HNF1A: variants seen among roughly 807,000 people sequenced by gnomAD.
The protein encoded by HNF1A is hepatocyte nuclear factor 1-alpha.
HNF1A carries 21 observed loss-of-function variants against 62.2 expected under a neutral mutation model. The ratio of observed to expected loss-of-function variants is 0.34; its 90% CI spans 0.24 to 0.49. The LOEUF is 0.49. HNF1A is among the 20% of genes least tolerant of loss of function. HNF1A has a pLI of 0.99. For synonymous variants in HNF1A, 374 were observed against 366.8 expected (o/e 1.02, Z -0.22); for missense variants, 687 against 832.3 (o/e 0.83, Z 2.15).
chr12:120,993,532 C>A lies in HNF1A; in HGVS notation c.539C>A (p.Ala180Glu), dbSNP rs1060499866. 6.2e-7 allele frequency: 1 copy of A among 1,614,030 alleles called. No individual in the cohort carries two copies. The highest frequency in any genetic ancestry group is 8.5e-7 in the Non-Finnish European group (1 of 1,179,996). The change falls in exon 3 of 10, where the codon GCA (alanine) becomes GAA (glutamate). Residue 180 changes from alanine (A) to glutamate (E), a missense_variant. Ala to Glu is a moderately radical substitution (Grantham distance 107). Coordinates refer to ENST00000257555, the MANE Select transcript of HNF1A (RefSeq NM_000545.8). The part of the protein sequence containing the change: ...QREVAQQFTH[A>E]GQGGLIEEPT... ...TCTGTGCCTGCAGAGTTCACCCATG[C>A]AGGGCAGGGAGGGCTGATTGAAGAG...
In HNF1A at chr12:120,996,252, C is replaced by T. The variant is rs1262187705; in HGVS notation, c.956-10C>T. On this transcript the variant is annotated splice_polypyrimidine_tract_variant and intron_variant, in intron 4 of 9. Transcript: ENST00000257555. This position sits in a 1 kb window ranked among gnomAD's most constrained non-coding sequence, Gnocchi z 4.5. ...GGGGTGCTGAGGCAGGACACTGCTT[C>T]CCTCTCCAGGTGTGCGCTATGGACA... The T allele has an allele frequency of 1.9e-6, 3 of 1,613,942 alleles. No homozygotes were observed. The highest frequency in any genetic ancestry group is 2.7e-5 in the African/African-American group (2 of 75,050).
chr12:120,997,290 G>A, intron 6 of HNF1A, 184 bp from the exon 7 acceptor site: 1 of 1,404,418 alleles, frequency 7.1e-7, no homozygotes, highest in Non-Finnish European at 9.3e-7. Context: ...CTCAGAGAGG[G>A]GGAATGACTT....
chr12:121,001,501 C>T lies in HNF1A; in HGVS notation c.*309C>T, dbSNP rs891475426. The stretch of plus-strand genomic sequence containing the variant: ...TCTTCTTACTTGGAACTGAAGGGGG[C>T]GGCCTATGACTTGGGCACCCCCAGC... On this transcript the variant is annotated 3_prime_UTR_variant, in exon 10 of 10. Transcript: ENST00000257555. 8 of 461,844 alleles carry T rather than the reference C, an allele frequency of 1.7e-5. No homozygotes were observed. Among genetic ancestry groups the T allele is most frequent in the South Asian group, 1.0e-4 (5 of 47,832 alleles). 28.6% of individuals were successfully genotyped at this position (461,844 alleles called of 1,614,324 possible).
In HNF1A at chr12:120,999,561, C is replaced by G; in HGVS notation, c.1702C>G (p.Pro568Ala). The G allele has an allele frequency of 6.2e-7, 1 of 1,613,032 alleles. No homozygotes were observed. Among genetic ancestry groups the G allele is most frequent in the Non-Finnish European group, 8.5e-7 (1 of 1,179,858 alleles). ...PASQATTLHV[P>A]SQDPASIQHL... ...ATCTCAGGCCACCACCCTCCACGTC[C>G]CCAGCCAGGACCCTGCCAGCATCCA... The change falls in exon 9 of 10, where the codon CCC (proline) becomes GCC (alanine). Residue 568 changes from proline (P) to alanine (A), a missense_variant. Pro to Ala is a conservative substitution (Grantham distance 27, BLOSUM62 -1). Transcript: ENST00000257555.
chr12:120,986,553 T>C (rs1012607713), intron 1 of HNF1A, among the ~76,000 whole-genome samples: 3 of 152,154 alleles, frequency 2.0e-5, no homozygotes, highest in Non-Finnish European at 4.4e-5. Flanking sequence ...GCTGCTGTAT[T>C]GAGCTGTATT....
chr12:121,002,110 G>A lies in HNF1A; in HGVS notation c.*918G>A. ...GGGGCAGGAGTAGCTGAGCTCACAA[G>A]GCAGCAAGGCCCGAGCAGCTGAGCA... On this transcript the variant is annotated 3_prime_UTR_variant, in exon 10 of 10. Coordinates refer to ENST00000257555, the MANE Select transcript of HNF1A (RefSeq NM_000545.8). 1.9e-6 allele frequency: 1 copy of A among 532,866 alleles called. No individual in the cohort carries two copies. Among genetic ancestry groups the A allele is most frequent in the Non-Finnish European group, 3.6e-6 (1 of 274,862 alleles). The allele number at this position is 532,866 out of a possible 1,614,324, so 33.0% of individuals were successfully genotyped here. A position where few individuals can be genotyped will look rare whatever the true frequency, so the allele number is the denominator to read the frequency against.
intron 2 of HNF1A, among the ~76,000 whole-genome samples, chr12:120,990,782 T>C (rs1226494798): frequency 2.0e-5 from 3 of 152,084 alleles, no homozygotes; most frequent in Admixed American, 2.0e-4. Flanking sequence ...AAACAGAGTT[T>C]ATAAGAAAAA....
In HNF1A at chr12:120,997,591, T is replaced by C. The variant is rs2135847915; in HGVS notation, c.1427T>C (p.Leu476Pro). 1 of 1,613,864 alleles carries C rather than the reference T, an allele frequency of 6.2e-7. No homozygotes were observed. Among genetic ancestry groups the C allele is most frequent in the Non-Finnish European group, 8.5e-7 (1 of 1,179,998 alleles). ...QPLHPSYQQP[L>P]MPPVQSHVTQ... ...CTGCACCCCTCCTACCAGCAGCCGC[T>C]CATGCCACCTGTGCAGAGCCATGTG... Residue 476 changes from leucine (L) to proline (P), a missense_variant, in exon 7 of 10, where the codon CTC becomes CCC. Leu to Pro is a moderately conservative substitution (Grantham distance 98). Around this residue, in one of 5 missense-constraint regions of HNF1A, gnomAD observed 408 missense variants for 455.3 expected, o/e 0.90. Coordinates refer to ENST00000257555, the MANE Select transcript of HNF1A (RefSeq NM_000545.8).
chr12:120,997,509 A>G lies in HNF1A; in HGVS notation c.1345A>G (p.Ile449Val). Residue 449 changes from isoleucine to valine, a missense_variant, in exon 7 of 10, where the codon ATC (isoleucine) becomes GTC (valine). Around this residue, in one of 5 missense-constraint regions of HNF1A, gnomAD observed 408 missense variants for 455.3 expected, o/e 0.90. Coordinates refer to ENST00000257555, the MANE Select transcript of HNF1A (RefSeq NM_000545.8). ...CACGCAGGCACAGAGTGTGCCGGTCATCAACAGCATGGGCAGCAGCCTGAC... is the reference window on the plus strand; with the variant it reads ...CACGCAGGCACAGAGTGTGCCGGTCGTCAACAGCATGGGCAGCAGCCTGAC... ...ASTQAQSVPV[I>V]NSMGSSLTTL... 3 of 1,612,564 alleles carry G rather than the reference A, an allele frequency of 1.9e-6. No individual in the cohort carries two copies. Among genetic ancestry groups the G allele is most frequent in the Non-Finnish European group, 2.5e-6 (3 of 1,179,718 alleles).
At position 120,988,819 on chromosome 12, in the gene HNF1A, T is replaced by C. The variant is rs886049033; in HGVS notation, c.327-14T>C. 6.2e-7 allele frequency: 1 copy of C among 1,613,942 alleles called. No individual in the cohort carries two copies. The highest frequency in any genetic ancestry group is 8.5e-7 in the Non-Finnish European group (1 of 1,179,898). On this transcript the variant is annotated splice_polypyrimidine_tract_variant and intron_variant, in intron 1 of 9. Coordinates refer to ENST00000257555, the MANE Select transcript of HNF1A (RefSeq NM_000545.8). ...AGCCCTTGCTGAGCAGATCCCGTCCTTGCCCTCTCCCAGGGAGGACCCGTG... is the reference window on the plus strand; with the variant it reads ...AGCCCTTGCTGAGCAGATCCCGTCCCTGCCCTCTCCCAGGGAGGACCCGTG...
rs2135850504 is a variant in HNF1A, at chr12:120,999,268, C to T, written c.1502C>T (p.Ala501Val). The change falls in exon 8 of 10, where the codon GCC becomes GTC. Residue 501 changes from alanine to valine, a missense_variant and splice_region_variant. Physicochemically the swap from Ala to Val is moderately conservative, Grantham distance 64 (BLOSUM62 0). Transcript: ENST00000257555. ...ATMAQLQSPH[A>V]LYSHKPEVAQ... ...CTGCCCCTCTCTCCCCTGCGGCCAG[C>T]CCTCTACAGCCACAAGCCCGAGGTG... 1 of 1,613,962 alleles carries T rather than the reference C, an allele frequency of 6.2e-7. No individual in the cohort carries two copies. Among genetic ancestry groups the T allele is most frequent in the Middle Eastern group, 1.6e-4 (1 of 6,062 alleles).
chr12:120,987,788 A>G (rs1178545363), intron 1 of HNF1A, among the ~76,000 whole-genome samples: 6 of 151,850 alleles, frequency 4.0e-5, no homozygotes, highest in African/African-American at 7.3e-5. Flanking sequence ...CTATCTATCT[A>G]TCTATCTATC....
intron 1 of HNF1A, 48 bp from the exon 2 acceptor site, chr12:120,988,785 G>A (rs1265256068): frequency 6.3e-7 from 1 of 1,582,110 alleles, no homozygotes. Context: ...CCCACCTATG[G>A]GGAGAGACAG....
Position 120,978,719 on chromosome 12 carries a change from G to C in HNF1A, c.-50G>C. 2 of 1,562,720 alleles carry C rather than the reference G, an allele frequency of 1.3e-6. No homozygotes were observed. On this transcript the variant is annotated 5_prime_UTR_variant, in exon 1 of 10. Coordinates refer to ENST00000257555, the MANE Select transcript of HNF1A (RefSeq NM_000545.8). ...CAAACGCAACCCACGCGGTGGGGGA[G>C]GCGGCTAGCGTGGTGGACCCGGGCC...
chr12:120,988,432 C>T (rs1203716581), intron 1 of HNF1A, among the ~76,000 whole-genome samples: 2 of 151,988 alleles, frequency 1.3e-5, no homozygotes, highest in African/African-American at 4.8e-5. Flanking sequence ...ATCCATCCAC[C>T]CACCCATCCA....
rs1310810902 is a variant in HNF1A at position 120,999,402 on chromosome 12, C to A, written c.1623+13C>A. 1 of 1,613,756 alleles carries A rather than the reference C, an allele frequency of 6.2e-7. No individual in the cohort carries two copies. The highest frequency in any genetic ancestry group is 8.5e-7 in the Non-Finnish European group (1 of 1,179,960). On this transcript the variant is annotated intron_variant, in intron 8 of 9. Coordinates refer to ENST00000257555, the MANE Select transcript of HNF1A (RefSeq NM_000545.8). The stretch of plus-strand genomic sequence containing the variant: ...GCCCACCAAGCAGGTAAGGTCCAGG[C>A]CTGCTGGCCCTCCCTTGGCCTGTGA...
Position 120,987,623 on chromosome 12 carries a change from T to TAC in HNF1A, c.327-1208_327-1207dup, listed in dbSNP as rs1488063414. 7.5e-4 allele frequency among the ~76,000 whole-genome samples: 113 copies of TAC among 151,330 alleles called. 1 individual carries two copies. The highest frequency in any genetic ancestry group is 3.4e-3 in the Middle Eastern group (1 of 292). ...ATATATATATACACATATATATATA[T>TAC]ACAGAGAGAGAGAAGCCACTGAGGC... On this transcript the variant is annotated intron_variant, in intron 1 of 9. Coordinates refer to ENST00000257555, the MANE Select transcript of HNF1A (RefSeq NM_000545.8).
intron 9 of HNF1A, among the ~76,000 whole-genome samples, chr12:121,000,173 T>C (rs1185074661): frequency 1.3e-5 from 2 of 152,158 alleles, no homozygotes; most frequent in Non-Finnish European, 2.9e-5. Flanking sequence ...TATGATGCCA[T>C]TGTCAGGAGT....
intron 7 of HNF1A, chr12:120,998,303 AAAGT>A (rs1340531333): frequency 1.9e-5 from 3 of 159,926 alleles, no homozygotes; most frequent in African/African-American, 7.2e-5. Context: ...AAGAAAAAGA[AAAGT>A]AATTTGGTGG....
Sources: allele counts gnomAD v4.1 joint callset (sites outside exome capture counted in the v4.1 genomes callset), GRCh38; gene constraint gnomAD v4.1.1; regional missense constraint gnomAD v4.1.1; non-coding constraint Gnocchi (gnomAD v3.1); transcripts MANE v1.5; gene names NCBI Gene and HGNC (gene_info 2026-07-23, HGNC 2026-07-21).